Variants in C10orf67 observed in about 807,000 individuals in gnomAD.
C10orf67 encodes chromosome 10 open reading frame 67, also known as uncharacterized protein C10orf67, mitochondrial.
Under a neutral mutation model 35.6 loss-of-function variants are expected in C10orf67, and 60 were observed. The ratio of observed to expected loss-of-function variants is 1.68; its 90% CI spans 1.37 to 2.09. C10orf67 has a LOEUF of 2.09. Ranked by LOEUF, C10orf67 falls within the 30% of genes most tolerant of loss-of-function variation. The pLI is 0.00. For missense variants in C10orf67, 474 were observed against 330.2 expected (o/e 1.44, Z -3.38); for synonymous variants, 167 against 115.8 (o/e 1.44, Z -2.84).
chr10:23,218,534 A>G (rs1841493590), intron 15 of C10orf67, among the ~76,000 whole-genome samples: 1 of 152,196 alleles, frequency 6.6e-6, no homozygotes. Context: ...ATAAAAAGCA[A>G]GGGAAATTCC....
chr10:23,295,366 G>A (rs747274265), intron 5 of C10orf67, among the ~76,000 whole-genome samples: 1 of 152,188 alleles, frequency 6.6e-6, no homozygotes, highest in Non-Finnish European at 1.5e-5. Flanking sequence ...GAAGAGAAAA[G>A]TTAGAGGTGT....
At chr10:23,274,559 A>G (rs1843126598) in intron 8 of C10orf67, among the ~76,000 whole-genome samples, 1 of 152,170 alleles carries the variant, frequency 6.6e-6, no homozygotes, top group African/African-American at 2.4e-5. Flanking sequence ...GAAGAAAAAT[A>G]TGGCTCTATT....
chr10:23,228,162 A>G (rs1479320079), intron 13 of C10orf67, among the ~76,000 whole-genome samples: 1 of 152,222 alleles, frequency 6.6e-6, no homozygotes, highest in Non-Finnish European at 1.5e-5. Context: ...ACAAAGCTGG[A>G]GGCATCACAC....
intron 2 of C10orf67, among the ~76,000 whole-genome samples, chr10:23,329,030 A>G (rs569529389): frequency 1.4e-3 from 208 of 150,850 alleles, no homozygotes; most frequent in African/African-American, 4.9e-3. Context: ...AAGAAAGAAA[A>G]AAAGAAAAGA....
chr10:23,212,772 T>C (rs1841339427), intron 15 of C10orf67, among the ~76,000 whole-genome samples: 1 of 110,108 alleles, frequency 9.1e-6, no homozygotes, highest in African/African-American at 3.4e-5. Context: ...TCAGGAAATA[T>C]TGTATTGAGA....
At chr10:23,292,715 T>A (rs578040501) in intron 5 of C10orf67, among the ~76,000 whole-genome samples, 1 of 148,376 alleles carries the variant, frequency 6.7e-6, no homozygotes, top group South Asian at 2.2e-4. Context: ...AAATTACGTA[T>A]GGTATATATA....
intron 15 of C10orf67, among the ~76,000 whole-genome samples, chr10:23,213,693 A>G (rs1841366741): frequency 6.6e-6 from 1 of 152,214 alleles, no homozygotes. Flanking sequence ...AAACATATAC[A>G]ATAAAAGAAA....
At chr10:23,297,524 G>A (rs771363004) in intron 5 of C10orf67, among the ~76,000 whole-genome samples, 13 of 152,086 alleles carry the variant, frequency 8.5e-5, no homozygotes, top group Non-Finnish European at 1.8e-4. Flanking sequence ...ACTAGTTCCT[G>A]GAGTGAGGGG....
At chr10:23,327,527 GATT>G (rs1845245577) in intron 2 of C10orf67, among the ~76,000 whole-genome samples, 1 of 152,042 alleles carries the variant, frequency 6.6e-6, no homozygotes. Context: ...AATAAATACA[GATT>G]TTTTAAAATT....
At chr10:23,308,558 C>T (rs575404688) in intron 4 of C10orf67, among the ~76,000 whole-genome samples, 2 of 152,240 alleles carry the variant, frequency 1.3e-5, no homozygotes, top group South Asian at 2.1e-4. Context: ...CTCAGAAACA[C>T]CACGTTGCCA....
At chr10:23,219,671 G>T (rs1163173806) in intron 15 of C10orf67, among the ~76,000 whole-genome samples, 1 of 151,936 alleles carries the variant, frequency 6.6e-6, no homozygotes, top group Non-Finnish European at 1.5e-5. Flanking sequence ...TGACTTTCTT[G>T]TTCTGTTTAG....
intron 13 of C10orf67, among the ~76,000 whole-genome samples, chr10:23,238,778 G>C (rs1015585818): frequency 2.6e-5 from 4 of 151,826 alleles, no homozygotes; most frequent in Non-Finnish European, 5.9e-5. Context: ...AACCAAGAGG[G>C]GAAAAAAGAC....
At chr10:23,303,765 G>A (rs1001000934) in intron 4 of C10orf67, among the ~76,000 whole-genome samples, 8 of 152,210 alleles carry the variant, frequency 5.3e-5, no homozygotes, top group Non-Finnish European at 7.3e-5. Context: ...AGTAAAGAGC[G>A]AGATGGAAGA....
rs1346818230 is a variant in C10orf67, at chr10:23,322,537, TC to T, written c.328-1del. On this transcript the variant is annotated splice_acceptor_variant, in intron 2 of 15. Transcript: ENST00000636213. LOFTEE classifies it high-confidence loss of function. ...AAATCTACCTGGAGGGATTTCATCA[TC>T]TAAAAATGGAAAATATTATCCTTAG... is the stretch of plus-strand genomic sequence containing the variant. The T allele has an allele frequency of 6.3e-7, 1 of 1,593,070 alleles. No homozygotes were observed. Among genetic ancestry groups the T allele is most frequent in the African/African-American group, 1.3e-5 (1 of 74,250 alleles).
At chr10:23,219,425 C>A (rs757852296) in intron 15 of C10orf67, among the ~76,000 whole-genome samples, 1 of 152,164 alleles carries the variant, frequency 6.6e-6, no homozygotes, top group Non-Finnish European at 1.5e-5. Context: ...GAAAGGTCTT[C>A]TTGAGTACAT....
At chr10:23,327,050 G>A (rs982123030) in intron 2 of C10orf67, among the ~76,000 whole-genome samples, 2 of 152,060 alleles carry the variant, frequency 1.3e-5, no homozygotes, top group Admixed American at 6.5e-5. Context: ...CTGTACGGTA[G>A]AAATTACAAA....
At chr10:23,289,219 A>T (rs1380371092) in intron 7 of C10orf67, among the ~76,000 whole-genome samples, 1 of 152,174 alleles carries the variant, frequency 6.6e-6, no homozygotes, top group Non-Finnish European at 1.5e-5. Context: ...GCTGAAGTGC[A>T]GTGGTGCAAT....
intron 1 of C10orf67, 137 bp downstream of exon 1, chr10:23,344,432 A>G: frequency 3.4e-6 from 3 of 883,998 alleles, no homozygotes; most frequent in Non-Finnish European, 1.7e-6. Context: ...AGGCTTCCCC[A>G]CAAGACTCCC....
intron 4 of C10orf67, among the ~76,000 whole-genome samples, chr10:23,306,278 C>A (rs1844275182): frequency 1.3e-5 from 2 of 152,046 alleles, no homozygotes; most frequent in Non-Finnish European, 2.9e-5. Flanking sequence ...GTAATCTCAG[C>A]ACTTTGGGAG....
Sources: gnomAD v4.1 joint callset for allele counts (sites outside exome capture counted in the v4.1 genomes callset) on GRCh38, gnomAD v4.1.1 for gene constraint, MANE v1.5 for transcripts, NCBI Gene and HGNC (gene_info 2026-07-23, HGNC 2026-07-21) for gene names.